MACROD2: variants seen among roughly 807,000 people sequenced by gnomAD.
MACROD2 encodes the protein mono-ADP ribosylhydrolase 2.
Under a neutral mutation model 70.4 loss-of-function variants are expected in MACROD2, and 36 were observed. That is an observed-to-expected ratio of 0.51 (90% CI 0.39 to 0.68). MACROD2 has a LOEUF of 0.68. Among genes scored for constraint, MACROD2 ranks in the 30% least tolerant of loss-of-function variants. MACROD2 has a pLI of 0.00. For synonymous variants in MACROD2, 172 were observed against 178.8 expected (o/e 0.96, Z 0.30); for missense variants, 496 against 538.4 (o/e 0.92, Z 0.78).
chr20:14,324,134 C>G (rs996050890), intron 3 of MACROD2: 1 of 152,422 alleles, frequency 6.6e-6, no homozygotes, highest in Non-Finnish European at 1.5e-5. Flanking sequence ...TTATTCTGTA[C>G]TTTTTAAAAG....
intron 2 of MACROD2, among the ~76,000 whole-genome samples, chr20:14,071,252 G>GTGTTT (rs2053833710): frequency 6.3e-5 from 4 of 63,936 alleles, no homozygotes; most frequent in Admixed American, 2.1e-4. Context: ...TTCATCTTGT[G>GTGTTT]TTTTTTTTTT....
chr20:14,639,818 A>G lies in MACROD2; in HGVS notation c.302-45025A>G, dbSNP rs1270987504. Among the ~76,000 whole-genome samples, 4 of 152,176 alleles carry G rather than the reference A, an allele frequency of 2.6e-5. No individual in the cohort carries two copies. In the East Asian group the frequency reaches 7.7e-4, roughly 29 times the overall value. On this transcript the variant is annotated intron_variant, in intron 4 of 17. Coordinates refer to ENST00000684519, the MANE Select transcript of MACROD2 (RefSeq NM_001351661.2). ...TTATGAATGACAAATCAACACTCAC[A>G]TAGTATTGCAGAAGTATAGCTTGAG...
intron 5 of MACROD2, among the ~76,000 whole-genome samples, chr20:15,225,860 G>A (rs1376315023): frequency 6.6e-6 from 1 of 152,140 alleles, no homozygotes; most frequent in Non-Finnish European, 1.5e-5. Flanking sequence ...TTCTGCATAT[G>A]GGCGAGCATA....
chr20:14,424,657 G>C (rs1273140948), intron 3 of MACROD2, among the ~76,000 whole-genome samples: 2 of 152,270 alleles, frequency 1.3e-5, no homozygotes, highest in African/African-American at 4.8e-5. Context: ...GCTAGAAAGG[G>C]TATTGTGACC....
At chr20:15,035,737 G>A (rs931624800) in intron 5 of MACROD2, among the ~76,000 whole-genome samples, 3 of 152,192 alleles carry the variant, frequency 2.0e-5, no homozygotes, top group Non-Finnish European at 4.4e-5. Context: ...ACGGACAACA[G>A]GATCTTTAAC....
At chr20:16,048,384 G>A (rs978640183) in intron 17 of MACROD2, among the ~76,000 whole-genome samples, 12 of 151,904 alleles carry the variant, frequency 7.9e-5, no homozygotes, top group African/African-American at 2.9e-4. Flanking sequence ...AATAATTAAC[G>A]ACAATAGAAA....
At chr20:15,125,799 T>C (rs1208451742) in intron 5 of MACROD2, among the ~76,000 whole-genome samples, 1 of 151,876 alleles carries the variant, frequency 6.6e-6, no homozygotes, top group Non-Finnish European at 1.5e-5. Flanking sequence ...TTCCAGAACT[T>C]GCATCATTCT....
intron 5 of MACROD2, among the ~76,000 whole-genome samples, chr20:14,991,496 T>C (rs1029829342): frequency 6.6e-6 from 1 of 152,194 alleles, no homozygotes; most frequent in African/African-American, 2.4e-5. Flanking sequence ...ATTTATTTTC[T>C]CTACTTTGCA....
At chr20:15,848,005 G>A (rs2064252781) in intron 8 of MACROD2, among the ~76,000 whole-genome samples, 1 of 152,184 alleles carries the variant, frequency 6.6e-6, no homozygotes, top group South Asian at 2.1e-4. Context: ...TCAGAGTATA[G>A]CAGAGAAGTG....
chr20:15,239,724 T>C (rs1200555758), intron 6 of MACROD2, among the ~76,000 whole-genome samples: 9 of 152,144 alleles, frequency 5.9e-5, no homozygotes, highest in Non-Finnish European at 1.3e-4. Flanking sequence ...TTAAGAGGCA[T>C]GACTCACATT....
chr20:15,192,370 G>A (rs1228936449), intron 5 of MACROD2, among the ~76,000 whole-genome samples: 3 of 152,088 alleles, frequency 2.0e-5, no homozygotes, highest in East Asian at 1.9e-4. Flanking sequence ...CAAGTACAAC[G>A]GAACATCAAA....
intron 6 of MACROD2, among the ~76,000 whole-genome samples, chr20:15,419,326 A>G (rs1375034190): frequency 6.6e-6 from 1 of 152,088 alleles, no homozygotes; most frequent in Admixed American, 6.5e-5. Flanking sequence ...CCCGAGCTCT[A>G]TGTGCACTAT....
intron 5 of MACROD2, among the ~76,000 whole-genome samples, chr20:14,716,852 AT>A (rs921006417): frequency 1.3e-4 from 20 of 152,248 alleles, no homozygotes; most frequent in African/African-American, 4.3e-4. Flanking sequence ...ATGTTCCATT[AT>A]TTTTGGTGGA....
intron 5 of MACROD2, among the ~76,000 whole-genome samples, chr20:15,055,607 G>A (rs2075478607): frequency 6.6e-6 from 1 of 152,168 alleles, no homozygotes. Flanking sequence ...GATGGGAAGG[G>A]AGGATCATCA....
intron 3 of MACROD2, among the ~76,000 whole-genome samples, chr20:14,269,136 A>G (rs548581575): frequency 7.9e-5 from 12 of 152,296 alleles, no homozygotes; most frequent in Middle Eastern, 3.4e-3. Context: ...TGAATTTTGC[A>G]TTGCCTTATT....
intron 3 of MACROD2, among the ~76,000 whole-genome samples, chr20:14,334,997 T>C (rs1468970112): frequency 6.6e-6 from 1 of 152,156 alleles, no homozygotes; most frequent in African/African-American, 2.4e-5. Context: ...CCAGATTTAA[T>C]ATTGGTATGA....
chr20:15,066,124 A>AT (rs749787023), intron 5 of MACROD2, among the ~76,000 whole-genome samples: 11 of 146,304 alleles, frequency 7.5e-5, no homozygotes, highest in African/African-American at 2.8e-4. Context: ...TTTTTTTTTT[A>AT]TTTTTAATTT....
chr20:14,326,154 A>G lies in MACROD2; in HGVS notation c.272-167325A>G. 1 of 1,613,898 alleles carries G rather than the reference A, an allele frequency of 6.2e-7. No individual in the cohort carries two copies. The highest frequency in any genetic ancestry group is 8.5e-7 in the Non-Finnish European group (1 of 1,179,884). On this transcript the variant is annotated intron_variant, in intron 3 of 17. Coordinates refer to ENST00000684519, the MANE Select transcript of MACROD2 (RefSeq NM_001351661.2). This position sits in a 1 kb window ranked among gnomAD's most constrained non-coding sequence, Gnocchi z 5.5. ...CCCCTGTTACAATTGTTTCTGTTAT[A>G]GATCCAAATGCCGGGCTATGGCCCA...
intron 5 of MACROD2, among the ~76,000 whole-genome samples, chr20:15,188,455 G>A (rs2076547986): frequency 6.6e-6 from 1 of 152,224 alleles, no homozygotes. Context: ...CAGGTTCAGT[G>A]TCTGGGCAGG....
Sources: allele counts gnomAD v4.1 joint callset (sites outside exome capture counted in the v4.1 genomes callset), GRCh38; gene constraint gnomAD v4.1.1; non-coding constraint Gnocchi (gnomAD v3.1); transcripts MANE v1.5; gene names NCBI Gene and HGNC (gene_info 2026-07-23, HGNC 2026-07-21).